Variants in CEP152 observed in about 807,000 individuals in gnomAD.
CEP152 encodes the protein centrosomal protein of 152 kDa.
A neutral mutation model predicts 188.9 loss-of-function variants in CEP152; 132 were observed. That is an observed-to-expected ratio of 0.70 (90% CI 0.61 to 0.81). CEP152 has a LOEUF of 0.81. Among genes scored for constraint, CEP152 ranks in the 30% least tolerant of loss-of-function variants. The probability of loss-of-function intolerance (pLI) is 0.00; values close to 1 mark genes in which losing one functional copy is unlikely to be tolerated. For missense variants in CEP152, 1,914 were observed against 1,969.8 expected (o/e 0.97, Z 0.54); for synonymous variants, 649 against 666.6 (o/e 0.97, Z 0.41).
chr15:48,737,324 T>C (rs1362309560), downstream of CEP152, among the ~76,000 whole-genome samples: 4 of 152,188 alleles, frequency 2.6e-5, no homozygotes, highest in East Asian at 1.9e-4. Context: ...TCGGAAGCAC[T>C]TGCATACAGC....
rs767122511 is a variant in CEP152 at position 48,797,452 on chromosome 15, C to T, written c.389G>A (p.Ser130Asn). The T allele has an allele frequency of 6.2e-7, 1 of 1,614,082 alleles. No individual in the cohort carries two copies. Among genetic ancestry groups the T allele is most frequent in the African/African-American group, 1.3e-5 (1 of 74,946 alleles). Residue 130 changes from serine (S) to asparagine (N), a missense_variant, in exon 5 of 27, where the codon AGT becomes AAT. Coordinates refer to ENST00000380950, the MANE Select transcript of CEP152 (RefSeq NM_001194998.2). ...HPEEGGDEGG[S>N]GYSPPSKCEQ... ...ACATTTACTTGGAGGACTATAACCA[C>T]TTCCACCTTCATCTCCACCTTCTTC...
Position 48,798,763 on chromosome 15 carries a change from T to C in CEP152, c.88-712A>G, listed in dbSNP as rs546743456. Among the ~76,000 whole-genome samples, 257 of 152,328 alleles carry C rather than the reference T, an allele frequency of 1.7e-3. 2 individuals are homozygous for C. Among genetic ancestry groups the C allele is most frequent in the African/African-American group, 5.9e-3 (247 of 41,572 alleles). Reference sequence around the variant, plus strand: ...TTCTAGAAAAAAATCAGTTTTAGCATTCTGCTTATTATATAAACTAGATAG... The same window carrying C: ...TTCTAGAAAAAAATCAGTTTTAGCACTCTGCTTATTATATAAACTAGATAG... On this transcript the variant is annotated intron_variant, in intron 2 of 26. Coordinates refer to ENST00000380950, the MANE Select transcript of CEP152 (RefSeq NM_001194998.2).
At chr15:48,744,025 C>T (rs1006892169) in intron 24 of CEP152, among the ~76,000 whole-genome samples, 13 of 152,184 alleles carry the variant, frequency 8.5e-5, no homozygotes, top group Middle Eastern at 3.4e-3. Context: ...AAACATAAGA[C>T]GATTCTCACA....
Position 48,793,324 on chromosome 15 carries a change from T to C in CEP152, c.829A>G (p.Lys277Glu), listed in dbSNP as rs566987261. 111 of 1,613,922 alleles carry C rather than the reference T, an allele frequency of 6.9e-5. 3 individuals are homozygous for C. The South Asian group carries it at 1.2e-3, about 17-fold the overall frequency. The change falls in exon 7 of 27, where the codon AAA (lysine) becomes GAA (glutamate). Residue 277 changes from lysine to glutamate, a missense_variant. Lys to Glu is a moderately conservative substitution (Grantham distance 56). Transcript: ENST00000380950. ...RYLNHQLVII[K>E]DEKDGLTLSL... Reference sequence around the variant, plus strand: ...ATGACAGCATCCAGCATCTTACCTTTTATTATTACAAGCTGGTGATTCAGA... The same window carrying C: ...ATGACAGCATCCAGCATCTTACCTTCTATTATTACAAGCTGGTGATTCAGA...
chr15:48,747,893 C>A (rs1172717758), intron 22 of CEP152, among the ~76,000 whole-genome samples: 1 of 152,136 alleles, frequency 6.6e-6, no homozygotes, highest in African/African-American at 2.4e-5. Flanking sequence ...CCAGTCCAGA[C>A]CCTCACGCCC....
At chr15:48,758,390 G>A (rs1234747799) in intron 19 of CEP152, among the ~76,000 whole-genome samples, 1 of 152,094 alleles carries the variant, frequency 6.6e-6, no homozygotes, top group Non-Finnish European at 1.5e-5. Flanking sequence ...TTACATCCAA[G>A]TGTAGTCCAA....
intron 19 of CEP152, among the ~76,000 whole-genome samples, chr15:48,757,517 G>A (rs1434013725): frequency 2.6e-5 from 4 of 152,132 alleles, no homozygotes; most frequent in Non-Finnish European, 5.9e-5. Flanking sequence ...CTATATAAAG[G>A]AGTAGAGTAG....
In CEP152 at chr15:48,755,932, C is replaced by T. The variant is rs764619845; in HGVS notation, c.3316G>A (p.Val1106Ile). 1.9e-6 allele frequency: 3 copies of T among 1,614,010 alleles called. No individual in the cohort carries two copies. The highest frequency in any genetic ancestry group is 4.5e-5 in the East Asian group (2 of 44,882). The part of the protein sequence containing the change: ...KAFQDTLPLL[V>I]ENADPEWKKR... ...TTCCATTCTGGGTCAGCGTTTTCTACAAGCAGAGGAAGTGTATCTTGAAAT... is the reference window on the plus strand; with the variant it reads ...TTCCATTCTGGGTCAGCGTTTTCTATAAGCAGAGGAAGTGTATCTTGAAAT... Residue 1106 changes from valine (V) to isoleucine (I), a missense_variant, in exon 20 of 27, where the codon GTA (valine) becomes ATA (isoleucine). Transcript: ENST00000380950.
Position 48,772,695 on chromosome 15 carries a change from AT to A in CEP152, c.1578-5del, listed in dbSNP as rs753671530. On this transcript the variant is annotated splice_polypyrimidine_tract_variant and splice_region_variant and intron_variant, in intron 12 of 26. Transcript: ENST00000380950. ...TGGGTCTTCTTCTTGTACAATGCTA[AT>A]GGAGAAATTGTGATTTTTAACATTA... 1.2e-6 allele frequency: 2 copies of A among 1,611,440 alleles called. No homozygotes were observed.
At chr15:48,798,764 TCTG>T (rs2140911627) in intron 2 of CEP152, among the ~76,000 whole-genome samples, 1 of 152,366 alleles carries the variant, frequency 6.6e-6, no homozygotes, top group East Asian at 1.9e-4. Context: ...GTTTTAGCAT[TCTG>T]CTTATTATAT....
intron 7 of CEP152, 120 bp downstream of exon 7, chr15:48,793,201 T>A: frequency 8.6e-7 from 1 of 1,159,456 alleles, no homozygotes; most frequent in Non-Finnish European, 1.3e-6. Context: ...TATGCCTCAC[T>A]CACTATGAGC....
chr15:48,805,528 A>AGT, intron 2 of CEP152, 35 bp downstream of exon 2: 1 of 1,511,110 alleles, frequency 6.6e-7, no homozygotes. Flanking sequence ...GATTGGGTTT[A>AGT]GTGTCTCTTT....
rs77745570 is a variant in CEP152 at position 48,738,638 on chromosome 15, A to G, written c.4744T>C (p.Ser1582Pro). Residue 1582 changes from serine (S) to proline (P), a missense_variant, in exon 27 of 27, where the codon TCC becomes CCC. By Grantham distance (74) the Ser-to-Pro change is moderately conservative. Coordinates refer to ENST00000380950, the MANE Select transcript of CEP152 (RefSeq NM_001194998.2). ...LGWPSSSATLSFDSREASFVH... is the reference protein window; with the variant it reads ...LGWPSSSATLPFDSREASFVH... ...AATGATGCTTCACGACTGTCAAAGG[A>G]TAAGGTTGCACTGCTGGAAGGCCAG... 648 of 1,614,198 alleles carry G rather than the reference A, an allele frequency of 4.0e-4. 6 individuals are homozygous for G. The African/African-American group carries it at 8.0e-3, about 20-fold the overall frequency.
rs751511376 is a variant in CEP152 at position 48,744,352 on chromosome 15, C to T, written c.3732-9G>A. 6.8e-6 allele frequency: 11 copies of T among 1,613,804 alleles called. No homozygotes were observed. Among genetic ancestry groups the T allele is most frequent in the Non-Finnish European group, 9.3e-6 (11 of 1,179,934 alleles). Reference sequence around the variant, plus strand: ...CCCCTGCTGACAATGACCTAAAAAACAAACCAAAGATTACAAAAACAGAAA... The same window carrying T: ...CCCCTGCTGACAATGACCTAAAAAATAAACCAAAGATTACAAAAACAGAAA... On this transcript the variant is annotated splice_polypyrimidine_tract_variant and intron_variant, in intron 23 of 26. Coordinates refer to ENST00000380950, the MANE Select transcript of CEP152 (RefSeq NM_001194998.2).
rs1895271086 is a variant in CEP152, at chr15:48,768,238, T to C, written c.1999A>G (p.Lys667Glu). ...RQMVQDFDHD[K>E]QEAVDRCERT... ...CCTTACCTATCCACAGCTTCTTGTT[T>C]GTCATGGTCAAAATCTTGTACCATT... The change falls in exon 15 of 27, where the codon AAA (lysine) becomes GAA (glutamate). Residue 667 changes from lysine to glutamate, a missense_variant. By Grantham distance (56) the Lys-to-Glu change is moderately conservative (BLOSUM62 1). Coordinates refer to ENST00000380950, the MANE Select transcript of CEP152 (RefSeq NM_001194998.2). 1.2e-6 allele frequency: 2 copies of C among 1,608,814 alleles called. No individual in the cohort carries two copies. Among genetic ancestry groups the C allele is most frequent in the South Asian group, 2.2e-5 (2 of 90,986 alleles).
chr15:48,735,165 T>C (rs1032771365), downstream of CEP152, among the ~76,000 whole-genome samples: 11 of 152,174 alleles, frequency 7.2e-5, no homozygotes, highest in African/African-American at 2.7e-4. Context: ...TCAAAGTATA[T>C]TATCTGAAAA....
At chr15:48,736,556 C>A (rs1892609717), downstream of CEP152, among the ~76,000 whole-genome samples, 3 of 152,064 alleles carry the variant, frequency 2.0e-5, no homozygotes, top group Non-Finnish European at 4.4e-5. Flanking sequence ...CTGTGTAGTC[C>A]CTTCATTTGC....
At chr15:48,770,641 T>C (rs1214993797) in intron 13 of CEP152, among the ~76,000 whole-genome samples, 1 of 152,132 alleles carries the variant, frequency 6.6e-6, no homozygotes, top group Non-Finnish European at 1.5e-5. Context: ...TTAATGCAAA[T>C]TGAGAAACAA....
Position 48,788,857 on chromosome 15 carries a change from G to A in CEP152, c.1117C>T (p.Gln373Ter). The A allele has an allele frequency of 1.2e-6, 2 of 1,614,150 alleles. No homozygotes were observed. Among genetic ancestry groups the A allele is most frequent in the Non-Finnish European group, 1.7e-6 (2 of 1,180,026 alleles). The change falls in exon 9 of 27, where the codon CAA becomes TAA. Residue 373 changes from glutamine to a stop codon, truncating the protein, a stop_gained. Transcript: ENST00000380950. LOFTEE classifies it high-confidence loss of function. ...AAATTCTTTTGTAAGGACAATACTT[G>A]CTCTTCGTACTTCTTTGTGAGGCCC... ...VMGLTKKYEE[Q>*]VLSLQKNLDA...
Sources: allele counts gnomAD v4.1 joint callset (sites outside exome capture counted in the v4.1 genomes callset), GRCh38; gene constraint gnomAD v4.1.1; transcripts MANE v1.5; gene names NCBI Gene and HGNC (gene_info 2026-07-23, HGNC 2026-07-21).